The following ESRRG variants were observed in gnomAD, a reference collection of about 807,000 sequenced individuals.
The protein encoded by ESRRG is estrogen-related receptor gamma.
ESRRG carries 13 observed loss-of-function variants against 44.0 expected under a neutral mutation model. The ratio of observed to expected loss-of-function variants is 0.30; its 90% confidence interval spans 0.19 to 0.47. The LOEUF (loss-of-function observed/expected upper bound fraction) is 0.47. ESRRG is among the 20% of genes least tolerant of loss of function. ESRRG has a pLI of 1.00. For synonymous variants in ESRRG, 215 were observed against 214.6 expected, an observed-to-expected ratio of 1.00 and a Z score of -0.02; for missense variants, 395 against 580.6, an observed-to-expected ratio of 0.68 and a Z score of 3.29.
intron 1 of ESRRG, among the ~76,000 whole-genome samples, chr1:217,101,465 T>C (rs562132227): frequency 6.6e-6 from 1 of 152,340 alleles, no homozygotes; most frequent in East Asian, 1.9e-4. Flanking sequence ...TCTCAACCTC[T>C]TTCCTTACCA....
chr1:217,072,604 C>G (rs551882487), intron 1 of ESRRG, among the ~76,000 whole-genome samples: 2 of 152,260 alleles, frequency 1.3e-5, no homozygotes, highest in East Asian at 3.9e-4. Flanking sequence ...CCAAGGATTG[C>G]GGAATTTTGA....
At chr1:216,519,794 A>G (rs528591375) in intron 5 of ESRRG, among the ~76,000 whole-genome samples, 1 of 141,690 alleles carries the variant, frequency 7.1e-6, no homozygotes, top group Non-Finnish European at 1.5e-5. Context: ...AAAAACTACT[A>G]TTGGTAAACA....
chr1:216,878,701 A>AGG (rs1421414129), intron 2 of ESRRG, among the ~76,000 whole-genome samples: 1 of 152,154 alleles, frequency 6.6e-6, no homozygotes, highest in African/African-American at 2.4e-5. Flanking sequence ...TAAACGTTTC[A>AGG]CAATTTATGT....
intron 3 of ESRRG, among the ~76,000 whole-genome samples, chr1:216,581,489 G>A (rs1313735792): frequency 2.0e-5 from 3 of 152,132 alleles, no homozygotes; most frequent in Non-Finnish European, 4.4e-5. Flanking sequence ...GATTCTGTGA[G>A]AATTATTCAT....
At chr1:216,827,650 AT>A (rs1352902659) in intron 2 of ESRRG, among the ~76,000 whole-genome samples, 1 of 152,220 alleles carries the variant, frequency 6.6e-6, no homozygotes, top group Non-Finnish European at 1.5e-5. Context: ...TTGTATACGT[AT>A]TCTATCTCAC....
intron 1 of ESRRG, among the ~76,000 whole-genome samples, chr1:217,014,073 C>T (rs935454697): frequency 1.3e-5 from 2 of 151,958 alleles, no homozygotes; most frequent in South Asian, 4.2e-4. Context: ...ATTCCTTTGA[C>T]CTTTGTTTTT....
At chr1:216,751,065 A>G (rs924557188) in intron 2 of ESRRG, among the ~76,000 whole-genome samples, 1 of 152,172 alleles carries the variant, frequency 6.6e-6, no homozygotes, top group African/African-American at 2.4e-5. Flanking sequence ...ATTGCTATTC[A>G]AAGAAACAGA....
chr1:216,930,785 C>T (rs1416332184), intron 2 of ESRRG, among the ~76,000 whole-genome samples: 2 of 152,104 alleles, frequency 1.3e-5, no homozygotes, highest in African/African-American at 4.8e-5. Context: ...TTAAGCTGAG[C>T]CTTGAAAGAT....
chr1:216,977,655 T>C (rs1196163182), intron 1 of ESRRG, among the ~76,000 whole-genome samples: 1 of 152,130 alleles, frequency 6.6e-6, no homozygotes, highest in Non-Finnish European at 1.5e-5. Flanking sequence ...CTAGGCACCA[T>C]TTATCATGCC....
At chr1:216,616,797 C>T (rs2061482429) in intron 3 of ESRRG, among the ~76,000 whole-genome samples, 1 of 152,154 alleles carries the variant, frequency 6.6e-6, no homozygotes. Context: ...TTCACCTTTG[C>T]CTGTAAGCAC....
At chr1:217,053,364 A>C (rs2086447092) in intron 1 of ESRRG, among the ~76,000 whole-genome samples, 1 of 151,948 alleles carries the variant, frequency 6.6e-6, no homozygotes, top group African/African-American at 2.4e-5. Context: ...CTGAGGCAGG[A>C]GAATCGCTTG....
At chr1:217,046,151 G>T (rs779990436) in intron 1 of ESRRG, among the ~76,000 whole-genome samples, 13 of 150,412 alleles carry the variant, frequency 8.6e-5, no homozygotes, top group Non-Finnish European at 1.9e-4. Flanking sequence ...AGCCTAAGCT[G>T]CACATTCCTT....
At chr1:216,547,610 T>C (rs1193962250) in intron 5 of ESRRG, among the ~76,000 whole-genome samples, 1 of 152,066 alleles carries the variant, frequency 6.6e-6, no homozygotes. Flanking sequence ...ACATTAAAGA[T>C]GTAAATTTTA....
At chr1:216,553,757 C>T (rs2056932717) in intron 5 of ESRRG, among the ~76,000 whole-genome samples, 1 of 151,908 alleles carries the variant, frequency 6.6e-6, no homozygotes, top group African/African-American at 2.4e-5. Context: ...AAAGCTAAAA[C>T]AAAATCCCTA....
intron 1 of ESRRG, among the ~76,000 whole-genome samples, chr1:217,061,940 A>T (rs2088598925): frequency 6.6e-6 from 1 of 151,664 alleles, no homozygotes; most frequent in African/African-American, 2.4e-5. Context: ...TCTGCAAAAA[A>T]CCTCCCTGCT....
intron 1 of ESRRG, among the ~76,000 whole-genome samples, chr1:217,100,366 G>T (rs1417638320): frequency 6.6e-6 from 1 of 152,204 alleles, no homozygotes; most frequent in African/African-American, 2.4e-5. Context: ...ATGGGAGTTT[G>T]TCTTTGAATG....
chr1:216,981,197 C>G (rs188082967), intron 1 of ESRRG, among the ~76,000 whole-genome samples: 1 of 152,180 alleles, frequency 6.6e-6, no homozygotes, highest in Non-Finnish European at 1.5e-5. Flanking sequence ...TCTTTCCATT[C>G]TATCATAACC....
At chr1:216,805,585 C>A (rs41305106) in intron 2 of ESRRG, among the ~76,000 whole-genome samples, 3,808 of 152,178 alleles carry the variant, frequency 0.025, 82 homozygotes, top group Non-Finnish European at 0.037. Context: ...ATCACACTGT[C>A]CAATTTGGTC....
Position 216,787,994 on chromosome 1 carries a change from G to A in ESRRG, c.-13-110503C>T, listed in dbSNP as rs577150534. On this transcript the variant is annotated intron_variant, in intron 2 of 7. Transcript: ENST00000359162. The stretch of plus-strand genomic sequence containing the variant: ...CAATTTCCGGAAGGCTGAGAGAAAT[G>A]AGGAAGCCGCAGAAGAAAAGTTGGG... Among the ~76,000 whole-genome samples the A allele has an allele frequency of 2.6e-5, 4 of 152,266 alleles. 1 individual carries two copies. In the South Asian group the frequency reaches 8.3e-4, roughly 32 times the overall value.
Sources: allele counts gnomAD v4.1 joint callset (sites outside exome capture counted in the v4.1 genomes callset), GRCh38; gene constraint gnomAD v4.1.1; transcripts MANE v1.5; gene names NCBI Gene and HGNC (gene_info 2026-07-23, HGNC 2026-07-21).